Variants in PCSK5 observed in about 807,000 individuals in gnomAD.
PCSK5 encodes the protein prohormone convertase 5.
PCSK5 carries 129 observed loss-of-function variants against 233.2 expected under a neutral mutation model. That is an observed-to-expected ratio of 0.55 (90% CI 0.48 to 0.64). The LOEUF is 0.64. Ranked by LOEUF, PCSK5 falls within the 30% of genes least tolerant of loss-of-function variation. PCSK5 has a pLI of 0.00. For synonymous variants in PCSK5, 825 were observed against 879.2 expected (o/e 0.94, Z 1.09); for missense variants, 2,076 against 2,430.1 (o/e 0.85, Z 3.06).
chr9:76,040,393 C>CTCTCTGTCTCTCTG (rs1587537472), intron 5 of PCSK5, among the ~76,000 whole-genome samples: 2 of 89,576 alleles, frequency 2.2e-5, no homozygotes, highest in African/African-American at 7.3e-5. Context: ...CTGTCTCTCT[C>CTCTCTGTCTCTCTG]TCTCTCTCTC....
At chr9:76,191,233 G>A (rs948102972) in intron 20 of PCSK5, among the ~76,000 whole-genome samples, 1 of 152,114 alleles carries the variant, frequency 6.6e-6, no homozygotes, top group Non-Finnish European at 1.5e-5. Context: ...TATGCAGTTG[G>A]AACAATCTGA....
intron 9 of PCSK5, among the ~76,000 whole-genome samples, chr9:76,116,673 A>T (rs777940709): frequency 4.6e-5 from 7 of 152,124 alleles, no homozygotes; most frequent in Non-Finnish European, 8.8e-5. Context: ...TTATATTGGT[A>T]ATCTCATTTT....
intron 35 of PCSK5, among the ~76,000 whole-genome samples, chr9:76,340,468 A>T (rs1829796871): frequency 6.6e-6 from 1 of 151,912 alleles, no homozygotes; most frequent in Non-Finnish European, 1.5e-5. Flanking sequence ...CAACATGGTG[A>T]AACCCCATCT....
At chr9:76,264,921 A>T (rs1357439081) in intron 24 of PCSK5, among the ~76,000 whole-genome samples, 1 of 152,194 alleles carries the variant, frequency 6.6e-6, no homozygotes, top group African/African-American at 2.4e-5. Context: ...TACCCAAAAG[A>T]AAAGAAATCC....
At chr9:76,071,598 G>T in intron 6 of PCSK5, 128 bp from the exon 7 acceptor site, 1 of 734,442 alleles carries the variant, frequency 1.4e-6, no homozygotes, top group Non-Finnish European at 2.2e-6. Flanking sequence ...CCTTTTGCTG[G>T]GGGAAGATAT....
intron 1 of PCSK5, among the ~76,000 whole-genome samples, chr9:75,929,863 T>C (rs868709303): frequency 4.1e-4 from 52 of 125,504 alleles, no homozygotes; most frequent in Middle Eastern, 3.8e-3. Flanking sequence ...TCAGATCTCT[T>C]TTTTTTTTTT....
At chr9:75,926,533 T>C (rs1823497592) in intron 1 of PCSK5, among the ~76,000 whole-genome samples, 1 of 152,294 alleles carries the variant, frequency 6.6e-6, no homozygotes, top group South Asian at 2.1e-4. Flanking sequence ...CTTTGCACTT[T>C]ATGGGATTAC....
intron 8 of PCSK5, among the ~76,000 whole-genome samples, chr9:76,104,062 G>A (rs1293636844): frequency 6.6e-6 from 1 of 152,042 alleles, no homozygotes; most frequent in Non-Finnish European, 1.5e-5. Context: ...TGATTAATGG[G>A]GATATTCCAT....
chr9:76,115,323 T>C (rs1437962355), intron 9 of PCSK5, among the ~76,000 whole-genome samples: 1 of 152,120 alleles, frequency 6.6e-6, no homozygotes, highest in Non-Finnish European at 1.5e-5. Flanking sequence ...TCATGATTGC[T>C]ATAAGTGACT....
chr9:76,147,575 T>C (rs1367423497), intron 10 of PCSK5, among the ~76,000 whole-genome samples: 1 of 152,196 alleles, frequency 6.6e-6, no homozygotes, highest in Non-Finnish European at 1.5e-5. Context: ...TCAAAACTCC[T>C]GAATCACTGG....
chr9:75,958,778 A>G (rs1290330570), intron 2 of PCSK5, among the ~76,000 whole-genome samples: 1 of 152,234 alleles, frequency 6.6e-6, no homozygotes, highest in East Asian at 1.9e-4. Context: ...GGAAATGGTA[A>G]TAATAAGAAC....
chr9:75,994,318 C>T (rs1826900680), intron 3 of PCSK5, among the ~76,000 whole-genome samples: 2 of 151,274 alleles, frequency 1.3e-5, no homozygotes, highest in Non-Finnish European at 2.9e-5. Flanking sequence ...TTAGTCTAAG[C>T]CATCATCTCT....
intron 5 of PCSK5, among the ~76,000 whole-genome samples, chr9:76,046,617 G>A (rs1395043394): frequency 7.3e-6 from 1 of 136,342 alleles, no homozygotes; most frequent in Non-Finnish European, 1.5e-5. Context: ...CTGGAGTGCA[G>A]TGGCATGATC....
intron 2 of PCSK5, among the ~76,000 whole-genome samples, chr9:75,943,153 G>C (rs529725840): frequency 6.6e-6 from 1 of 152,128 alleles, no homozygotes. Context: ...CCAAAGTGCT[G>C]GGATTACAAG....
At chr9:76,123,668 A>G (rs1253919537) in intron 9 of PCSK5, among the ~76,000 whole-genome samples, 1 of 152,200 alleles carries the variant, frequency 6.6e-6, no homozygotes, top group Admixed American at 6.5e-5. Context: ...TCTAATAACA[A>G]CTACATATTT....
intron 10 of PCSK5, among the ~76,000 whole-genome samples, chr9:76,156,213 T>G (rs1178894267): frequency 7.8e-6 from 1 of 128,826 alleles, no homozygotes; most frequent in Non-Finnish European, 1.8e-5. Flanking sequence ...TTTTAAAGTA[T>G]TTTTAGAAAG....
intron 8 of PCSK5, among the ~76,000 whole-genome samples, chr9:76,102,717 C>T (rs573437064): frequency 6.6e-6 from 1 of 152,294 alleles, no homozygotes; most frequent in Admixed American, 6.5e-5. Context: ...TGTATATACA[C>T]ATATGCACAC....
chr9:76,238,087 AG>A lies in PCSK5; in HGVS notation c.2867-869del, dbSNP rs1226675149. On this transcript the variant is annotated intron_variant, in intron 22 of 37. Transcript: ENST00000674117. ...CACAGATCAGCTGCTCTTCAGAGGC[AG>A]GGACATGTGGGAAATCTGATTCAGA... Among the ~76,000 whole-genome samples, 4 of 152,330 alleles carry A rather than the reference AG, an allele frequency of 2.6e-5. No individual in the cohort carries two copies. In the East Asian group the frequency reaches 5.8e-4, roughly 22 times the overall value.
intron 7 of PCSK5, among the ~76,000 whole-genome samples, chr9:76,086,975 T>G (rs1831089408): frequency 6.6e-6 from 1 of 152,240 alleles, no homozygotes; most frequent in Non-Finnish European, 1.5e-5. Flanking sequence ...GCATATTTAT[T>G]TCCATTGGTA....
Sources: allele counts gnomAD v4.1 joint callset (sites outside exome capture counted in the v4.1 genomes callset), GRCh38; gene constraint gnomAD v4.1.1; transcripts MANE v1.5; gene names NCBI Gene and HGNC (gene_info 2026-07-23, HGNC 2026-07-21).